The following RAD50 variants were observed in gnomAD, a reference collection of about 807,000 sequenced individuals.
RAD50 encodes the protein DNA repair protein RAD50.
In RAD50, 132 loss-of-function variants were observed where a neutral mutation model predicts 168.8. The ratio of observed to expected loss-of-function variants is 0.78; its 90% CI spans 0.68 to 0.90. The LOEUF (loss-of-function observed/expected upper bound fraction) is 0.90. Among genes scored for constraint, RAD50 ranks in the 40% least tolerant of loss-of-function variants. The pLI, the probability that RAD50 is intolerant of heterozygous loss-of-function variation, is 0.00. For missense variants in RAD50, 1,347 were observed against 1,534.4 expected, an observed-to-expected ratio of 0.88 and a Z score of 2.04; for synonymous variants, 525 against 497.4, an observed-to-expected ratio of 1.06 and a Z score of -0.74.
chr5:132,637,556 G>A (rs561117692), intron 22 of RAD50, among the ~76,000 whole-genome samples: 1 of 145,562 alleles, frequency 6.9e-6, no homozygotes, highest in African/African-American at 2.6e-5. Context: ...ATGGAGTCTC[G>A]CACTTCTCTG....
chr5:132,615,683 GTAAA>G (rs1751162710), intron 19 of RAD50, among the ~76,000 whole-genome samples: 1 of 152,104 alleles, frequency 6.6e-6, no homozygotes, highest in Admixed American at 6.6e-5. Context: ...TACTTTATAA[GTAAA>G]TAAGTACACA....
At chr5:132,625,717 A>G (rs1252093569) in intron 21 of RAD50, among the ~76,000 whole-genome samples, 1 of 152,076 alleles carries the variant, frequency 6.6e-6, no homozygotes, top group African/African-American at 2.4e-5. Context: ...CATCTCCACT[A>G]TCTCCATGAG....
At chr5:132,584,149 C>T (rs753040146) in intron 5 of RAD50, among the ~76,000 whole-genome samples, 6 of 152,204 alleles carry the variant, frequency 3.9e-5, no homozygotes, top group Non-Finnish European at 7.3e-5. Context: ...GTTCCTCTTT[C>T]TCCACATCCT....
chr5:132,591,926 A>G lies in RAD50; in HGVS notation c.1685A>G (p.Glu562Gly), dbSNP rs1580994829. 1 of 1,608,356 alleles carries G rather than the reference A, an allele frequency of 6.2e-7. No individual in the cohort carries two copies. Among genetic ancestry groups the G allele is most frequent in the East Asian group, 2.2e-5 (1 of 44,724 alleles). Residue 562 changes from glutamate to glycine, a missense_variant, in exon 11 of 25, where the codon GAA becomes GGA. By Grantham distance (98) the Glu-to-Gly change is moderately conservative (BLOSUM62 -2). Transcript: ENST00000378823. ...IRKIKSRHSD[E>G]LTSLLGYFPN... ...AAAATAAAATCTAGGCACAGTGATG[A>G]ATTAACCTCACTGTTGGGATATTTT... is the stretch of plus-strand genomic sequence containing the variant.
At chr5:132,577,038 A>T (rs1052629015) in intron 3 of RAD50, among the ~76,000 whole-genome samples, 34 of 152,226 alleles carry the variant, frequency 2.2e-4, no homozygotes, top group Admixed American at 6.5e-5. Flanking sequence ...ATACAAATTT[A>T]TTATCTTACA....
In RAD50 at chr5:132,643,349, C is replaced by T; in HGVS notation, c.*985C>T. 4.0e-6 allele frequency: 1 copy of T among 253,146 alleles called. No homozygotes were observed. Among genetic ancestry groups the T allele is most frequent in the East Asian group, 5.3e-5 (1 of 18,986 alleles). The allele number at this position is 253,146 out of a possible 1,614,324, so 15.7% of individuals were successfully genotyped here. A position where few individuals can be genotyped will look rare whatever the true frequency, so the allele number is the denominator to read the frequency against. ...AGTTTTTCCTGGAATTGCCAGCTGA[C>T]ATCTTGAATCCTTCCATTCCACACA... is the stretch of plus-strand genomic sequence containing the variant. On this transcript the variant is annotated 3_prime_UTR_variant, in exon 25 of 25. Coordinates refer to ENST00000378823, the MANE Select transcript of RAD50 (RefSeq NM_005732.4).
Position 132,642,777 on chromosome 5 carries a change from C to A in RAD50, c.*413C>A, listed in dbSNP as rs572632629. On this transcript the variant is annotated 3_prime_UTR_variant, in exon 25 of 25. Coordinates refer to ENST00000378823, the MANE Select transcript of RAD50 (RefSeq NM_005732.4). ...TGTTACCTCTGAATTTACTTCCTTGCATGTGGTTTGAAAAACTGAGTATTA... is the reference window on the plus strand; with the variant it reads ...TGTTACCTCTGAATTTACTTCCTTGAATGTGGTTTGAAAAACTGAGTATTA... 5.7e-5 allele frequency: 20 copies of A among 352,346 alleles called. No homozygotes were observed. The highest frequency in any genetic ancestry group is 1.0e-4 in the Non-Finnish European group (19 of 182,396). The allele number at this position is 352,346 out of a possible 1,614,324, so 21.8% of individuals were successfully genotyped here. A position where few individuals can be genotyped will look rare whatever the true frequency, so the allele number is the denominator to read the frequency against.
At chr5:132,625,089 CTT>C (rs1160789107) in intron 21 of RAD50, among the ~76,000 whole-genome samples, 12 of 140,488 alleles carry the variant, frequency 8.5e-5, no homozygotes, top group Admixed American at 1.4e-4. Flanking sequence ...ATTTTGAATT[CTT>C]TTTTTTTTTT....
chr5:132,596,238 G>A (rs1480401473), intron 13 of RAD50, among the ~76,000 whole-genome samples: 1 of 152,092 alleles, frequency 6.6e-6, no homozygotes, highest in Non-Finnish European at 1.5e-5. Flanking sequence ...CAAAGTGATT[G>A]GCCCACCTCG....
At chr5:132,591,149 T>A in intron 9 of RAD50, 75 bp from the exon 10 acceptor site, 1 of 1,433,154 alleles carries the variant, frequency 7.0e-7, no homozygotes, top group Non-Finnish European at 9.8e-7. Flanking sequence ...AGTTAATTTC[T>A]AATACACTTT....
intron 19 of RAD50, among the ~76,000 whole-genome samples, chr5:132,611,789 T>A (rs1192320157): frequency 2.0e-5 from 3 of 151,750 alleles, no homozygotes; most frequent in Non-Finnish European, 4.4e-5. Context: ...TTTCCTATAC[T>A]GACTACAGGA....
chr5:132,610,099 C>T (rs755378593), intron 19 of RAD50, among the ~76,000 whole-genome samples: 54 of 151,224 alleles, frequency 3.6e-4, no homozygotes, highest in Non-Finnish European at 5.9e-4. Context: ...TACCTTTTTT[C>T]ACTTAACATA....
chr5:132,605,795 C>G (rs958172260), intron 16 of RAD50, among the ~76,000 whole-genome samples: 6 of 152,164 alleles, frequency 3.9e-5, no homozygotes, highest in African/African-American at 1.4e-4. Context: ...GACCACAGTG[C>G]AATCAAATTA....
At chr5:132,581,449 A>G (rs1750503638) in intron 5 of RAD50, among the ~76,000 whole-genome samples, 1 of 152,178 alleles carries the variant, frequency 6.6e-6, no homozygotes, top group South Asian at 2.1e-4. Context: ...CTTTTCTTTT[A>G]AAAGTAATAT....
chr5:132,588,156 G>C, intron 7 of RAD50, 67 bp downstream of exon 7: 3 of 1,520,556 alleles, frequency 2.0e-6, no homozygotes, highest in Non-Finnish European at 2.7e-6. Flanking sequence ...TATGAATGAA[G>C]AATCTCCAAG....
At chr5:132,635,643 C>T (rs17166109) in intron 21 of RAD50, among the ~76,000 whole-genome samples, 6,160 of 152,274 alleles carry the variant, frequency 0.04, 351 homozygotes, top group African/African-American at 0.13. Flanking sequence ...CCTGCCTTGT[C>T]TGGAGCTTGT....
chr5:132,573,195 A>G (rs532309570), intron 2 of RAD50, among the ~76,000 whole-genome samples: 1 of 152,320 alleles, frequency 6.6e-6, no homozygotes, highest in East Asian at 1.9e-4. Context: ...AGCTATGTAT[A>G]CTGTAGTTCT....
intron 2 of RAD50, among the ~76,000 whole-genome samples, chr5:132,573,773 A>G (rs576581624): frequency 3.5e-4 from 54 of 152,334 alleles, no homozygotes; most frequent in South Asian, 1.2e-3. Flanking sequence ...GCCATTCCAA[A>G]TGGGAGAAAT....
chr5:132,584,460 GC>G (rs1750559620), intron 5 of RAD50, among the ~76,000 whole-genome samples: 2 of 152,110 alleles, frequency 1.3e-5, no homozygotes, highest in South Asian at 4.1e-4. Flanking sequence ...TCTGTAGGTT[GC>G]TTGTTCACTC....
Sources: allele counts gnomAD v4.1 joint callset (sites outside exome capture counted in the v4.1 genomes callset), GRCh38; gene constraint gnomAD v4.1.1; transcripts MANE v1.5; gene names NCBI Gene and HGNC (gene_info 2026-07-23, HGNC 2026-07-21).